ARHGEF2: variants seen among roughly 807,000 people sequenced by gnomAD.
ARHGEF2 encodes Rho/Rac guanine nucleotide exchange factor 2, also known as rho guanine nucleotide exchange factor 2.
In ARHGEF2, 22 loss-of-function variants were observed where a neutral mutation model predicts 121.0. That is an observed-to-expected ratio of 0.18 (90% confidence interval 0.13 to 0.26). The LOEUF (loss-of-function observed/expected upper bound fraction) is 0.26. Ranked by LOEUF, ARHGEF2 falls within the 10% of genes least tolerant of loss-of-function variation. The pLI is 1.00. For synonymous variants in ARHGEF2, 487 were observed against 530.0 expected, an observed-to-expected ratio of 0.92 and a Z score of 1.11; for missense variants, 907 against 1,336.0, an observed-to-expected ratio of 0.68 and a Z score of 5.01.
rs1355189859 is a variant in ARHGEF2 at position 155,952,249 on chromosome 1, G to C, written c.1985-14C>G. On this transcript the variant is annotated splice_polypyrimidine_tract_variant and intron_variant, in intron 15 of 21. Coordinates refer to ENST00000361247, the MANE Select transcript of ARHGEF2 (RefSeq NM_001162383.2). ...TCAGACCCTCCACTGTGGGGAAAGA[G>C]GAAGAGGTGAGAACAGGAATGACAC... 1.2e-6 allele frequency: 2 copies of C among 1,613,602 alleles called. No individual in the cohort carries two copies. The highest frequency in any genetic ancestry group is 1.3e-5 in the African/African-American group (1 of 74,942).
Position 155,947,960 on chromosome 1 carries a change from A to G in ARHGEF2, c.2943T>C (p.Ala981=), listed in dbSNP as rs1674653449. The change falls in exon 22 of 22, where the codon GCT becomes GCC. Residue 981 remains alanine, a synonymous_variant. Transcript: ENST00000361247. The stretch of plus-strand genomic sequence containing the variant: ...GGCCCCCTTAGCTCTCGGAGGCTAC[A>G]GCCTCCCCGTCGCGGCTCTCCGTCT... ...PEETESRDGE[A]VASES The G allele has an allele frequency of 1.3e-6, 2 of 1,550,860 alleles. No homozygotes were observed. Among genetic ancestry groups the G allele is most frequent in the African/African-American group, 2.7e-5 (2 of 73,046 alleles).
Position 155,963,104 on chromosome 1 carries a change from C to T in ARHGEF2, c.804G>A (p.Glu268=). The stretch of plus-strand genomic sequence containing the variant: ...GGACCACTCCTGGCTCCAAGTGTAG[C>T]TCTTCCAGCATCCCCGTGCGGAAGA... ...TRLFRTGMLE[E]LHLEPGVVQG... The change falls in exon 8 of 22, where the codon GAG becomes GAA. Residue 268 remains glutamate (E), a synonymous_variant. Transcript: ENST00000361247. The T allele has an allele frequency of 6.2e-7, 1 of 1,614,090 alleles. No homozygotes were observed. The highest frequency in any genetic ancestry group is 8.5e-7 in the Non-Finnish European group (1 of 1,180,024).
Position 155,951,031 on chromosome 1 carries a change from C to T in ARHGEF2, c.2501G>A (p.Ser834Asn). The T allele has an allele frequency of 6.2e-7, 1 of 1,602,914 alleles. No individual in the cohort carries two copies. The highest frequency in any genetic ancestry group is 8.5e-7 in the Non-Finnish European group (1 of 1,176,534). The change falls in exon 20 of 22, where the codon AGC becomes AAC. Residue 834 changes from serine to asparagine, a missense_variant. Ser to Asn is a conservative substitution (Grantham distance 46). Coordinates refer to ENST00000361247, the MANE Select transcript of ARHGEF2 (RefSeq NM_001162383.2). The surrounding 1 kb of genome is among the most constrained non-coding windows in gnomAD (Gnocchi z 5.1). ...ACTCTCCCGGAGCCGGGCCTCCAGG[C>T]TGCCAGCTTCGGTTGCCCGTTCTTC... Reference protein sequence around the residue: ...LGEERATEAGSLEARLRESEQ... With the variant: ...LGEERATEAGNLEARLRESEQ...
chr1:155,959,363 C>G (rs1677415725), intron 11 of ARHGEF2, among the ~76,000 whole-genome samples: 1 of 152,100 alleles, frequency 6.6e-6, no homozygotes, highest in Non-Finnish European at 1.5e-5. Context: ...ATTCTCCTGC[C>G]TCAGCCTCCT....
Position 155,957,943 on chromosome 1 carries a change from C to G in ARHGEF2, c.1546-61G>C. The G allele has an allele frequency of 2.6e-6, 4 of 1,525,130 alleles. No individual in the cohort carries two copies. In the South Asian group the frequency reaches 4.9e-5, roughly 19 times the overall value. The allele number at this position is 1,525,130 out of a possible 1,614,324, so 94.5% of individuals were successfully genotyped here. A position where few individuals can be genotyped will look rare whatever the true frequency, so the allele number is the denominator to read the frequency against. ...AATCCTGTCCCTTGGCATATTTAGGCCTTCAATCCTTCTGGACGAGGACTG... is the reference window on the plus strand; with the variant it reads ...AATCCTGTCCCTTGGCATATTTAGGGCTTCAATCCTTCTGGACGAGGACTG... On this transcript the variant is annotated intron_variant, in intron 12 of 21. Coordinates refer to ENST00000361247, the MANE Select transcript of ARHGEF2 (RefSeq NM_001162383.2).
intron 13 of ARHGEF2, among the ~76,000 whole-genome samples, chr1:155,956,867 G>A (rs867480363): frequency 7.7e-5 from 11 of 142,986 alleles, no homozygotes; most frequent in East Asian, 2.0e-4. Flanking sequence ...GAGGCAGCCC[G>A]GCAACAGAGA....
At chr1:155,972,523 A>G (rs1052732491) in intron 1 of ARHGEF2, among the ~76,000 whole-genome samples, 2 of 151,872 alleles carry the variant, frequency 1.3e-5, no homozygotes, top group African/African-American at 4.8e-5. Flanking sequence ...TATTCTTAAG[A>G]TAATCACATT....
chr1:155,967,543 G>C (rs765415720), intron 2 of ARHGEF2, among the ~76,000 whole-genome samples: 7 of 152,096 alleles, frequency 4.6e-5, no homozygotes, highest in Non-Finnish European at 8.8e-5. Context: ...CTCTGGCTGG[G>C]CCTCAGCAGC....
At chr1:155,971,024 CT>C in intron 1 of ARHGEF2, 1 of 986,480 alleles carries the variant, frequency 1.0e-6, no homozygotes, top group Non-Finnish European at 1.2e-6. Flanking sequence ...CCCGCTCTGC[CT>C]TCCCTTTCTC....
At chr1:155,963,307 T>C (rs894910473) in intron 7 of ARHGEF2, 124 bp from the exon 8 acceptor site, 10 of 876,778 alleles carry the variant, frequency 1.1e-5, no homozygotes, top group Non-Finnish European at 1.6e-5. Context: ...ATATTCTGCA[T>C]TATTATGATC....
intron 13 of ARHGEF2, among the ~76,000 whole-genome samples, chr1:155,955,883 G>A (rs761156192): frequency 1.3e-4 from 19 of 151,556 alleles, no homozygotes; most frequent in Non-Finnish European, 2.5e-4. Flanking sequence ...GCCTGGCTAA[G>A]TTTTATATTT....
In ARHGEF2 at chr1:155,951,269, C is replaced by T. The variant is rs1259457741; in HGVS notation, c.2263G>A (p.Ala755Thr). 1 of 1,600,108 alleles carries T rather than the reference C, an allele frequency of 6.2e-7. No individual in the cohort carries two copies. The highest frequency in any genetic ancestry group is 8.5e-7 in the Non-Finnish European group (1 of 1,171,166). Residue 755 changes from alanine to threonine, a missense_variant, in exon 20 of 22, where the codon GCT (alanine) becomes ACT (threonine). Physicochemically the swap from Ala to Thr is moderately conservative, Grantham distance 58 (BLOSUM62 0). This residue lies in a region of ARHGEF2 where 432 missense variants were observed against 559.5 expected (regional missense o/e 0.77). Coordinates refer to ENST00000361247, the MANE Select transcript of ARHGEF2 (RefSeq NM_001162383.2). The surrounding 1 kb of genome is among the most constrained non-coding windows in gnomAD (Gnocchi z 5.1). ...LYGLLHGLQAAVAQQDTLMEA... is the reference protein window; with the variant it reads ...LYGLLHGLQATVAQQDTLMEA... ...ATCAGAGTGTCCTGCTGGGCCACAG[C>T]TGCCTGGGAGTAGAATGCAGGCAGA...
intron 21 of ARHGEF2, among the ~76,000 whole-genome samples, chr1:155,949,604 C>A (rs932636768): frequency 6.6e-6 from 1 of 150,816 alleles, no homozygotes; most frequent in East Asian, 2.0e-4. Context: ...TTTAGCCAGG[C>A]GTGGTGGCTC....
At chr1:155,958,652 T>C (rs1458065770) in intron 11 of ARHGEF2, among the ~76,000 whole-genome samples, 2 of 150,642 alleles carry the variant, frequency 1.3e-5, no homozygotes, top group Non-Finnish European at 2.9e-5. Context: ...CTTGGCTCAC[T>C]GCAACCTCCG....
At position 155,951,604 on chromosome 1, in the gene ARHGEF2, G is replaced by A; in HGVS notation, c.2209-71C>T. On this transcript the variant is annotated intron_variant, in intron 18 of 21. Transcript: ENST00000361247. The surrounding 1 kb of genome is among the most constrained non-coding windows in gnomAD (Gnocchi z 5.1). ...AGAACTGCCCAAAAGTTGAACAAGG[G>A]TGGGTGTGGGGACAGTAGGATCCGG... 1.9e-6 allele frequency: 3 copies of A among 1,610,120 alleles called. No individual in the cohort carries two copies. Among genetic ancestry groups the A allele is most frequent in the African/African-American group, 1.3e-5 (1 of 74,946 alleles).
intron 1 of ARHGEF2, among the ~76,000 whole-genome samples, chr1:155,973,233 C>A (rs887644827): frequency 6.6e-6 from 1 of 152,174 alleles, no homozygotes; most frequent in African/African-American, 2.4e-5. Flanking sequence ...CTCAGTAGCA[C>A]CCTGGCCCCT....
chr1:155,963,322 A>G (rs1452913690), intron 7 of ARHGEF2, 139 bp from the exon 8 acceptor site: 4 of 685,618 alleles, frequency 5.8e-6, no homozygotes, highest in Admixed American at 3.1e-5. Flanking sequence ...ATGATCTTAG[A>G]TACTTTTCTA....
At chr1:155,960,914 C>T (rs1420188738) in intron 11 of ARHGEF2, among the ~76,000 whole-genome samples, 1 of 152,182 alleles carries the variant, frequency 6.6e-6, no homozygotes, top group Non-Finnish European at 1.5e-5. Flanking sequence ...GATCTGCTCC[C>T]TCTGCCCTGC....
rs977941934 is a variant in ARHGEF2 at position 155,963,110 on chromosome 1, C to T, written c.798G>A (p.Leu266=). 5 of 1,613,910 alleles carry T rather than the reference C, an allele frequency of 3.1e-6. No individual in the cohort carries two copies. The highest frequency in any genetic ancestry group is 2.2e-5 in the East Asian group (1 of 44,884). Reference sequence around the variant, plus strand: ...CTCCTGGCTCCAAGTGTAGCTCTTCCAGCATCCCCGTGCGGAAGAGGCGGG... The same window carrying T: ...CTCCTGGCTCCAAGTGTAGCTCTTCTAGCATCCCCGTGCGGAAGAGGCGGG... The part of the protein sequence containing the change: ...IMTRLFRTGM[L]EELHLEPGVV... The change falls in exon 8 of 22, where the codon CTG becomes CTA. Residue 266 remains leucine (L), a synonymous_variant. Coordinates refer to ENST00000361247, the MANE Select transcript of ARHGEF2 (RefSeq NM_001162383.2).
Sources: allele counts gnomAD v4.1 joint callset (sites outside exome capture counted in the v4.1 genomes callset), GRCh38; gene constraint gnomAD v4.1.1; regional missense constraint gnomAD v4.1.1; non-coding constraint Gnocchi (gnomAD v3.1); transcripts MANE v1.5; gene names NCBI Gene and HGNC (gene_info 2026-07-23, HGNC 2026-07-21).